The following PLAC1 variants were observed in gnomAD, a reference collection of about 807,000 sequenced individuals.
The protein encoded by PLAC1 is placenta-specific protein 1.
For synonymous variants in PLAC1, 68 were observed against 62.1 expected, an observed-to-expected ratio of 1.09 and a Z score of -0.44; for missense variants, 136 against 163.2, an observed-to-expected ratio of 0.83 and a Z score of 0.91.
intron 2 of PLAC1, among the ~76,000 whole-genome samples, chrX:134,729,884 C>A (rs1447369581): frequency 9.0e-6 from 1 of 110,953 alleles, no homozygotes; most frequent in African/African-American, 3.3e-5. Flanking sequence ...CTCCACCTCC[C>A]AGGTTCAAGT....
In PLAC1 at chrX:134,708,836, C is replaced by T. The variant is rs187213108; in HGVS notation, n.174+24599G>A. Among the ~76,000 whole-genome samples the T allele has an allele frequency of 2.8e-4, 31 of 109,024 alleles. No individual in the cohort carries two copies. The East Asian group carries it at 4.9e-3, about 17-fold the overall frequency. The allele number at this position is 109,024 out of a possible 115,157, so 94.7% of individuals were successfully genotyped here. The stretch of plus-strand genomic sequence containing the variant: ...TACAGGTGTGAGCCACTGCGTCTGG[C>T]CTTCTGTATCTTACACAAATCTACA... On this transcript the variant is annotated intron_variant and non_coding_transcript_variant, in intron 2 of 2. Transcript: ENST00000466797.
intron 1 of PLAC1, among the ~76,000 whole-genome samples, chrX:134,627,683 T>A (rs2078242801): frequency 8.9e-6 from 1 of 112,693 alleles, no homozygotes; most frequent in Non-Finnish European, 1.9e-5. Context: ...TCCTTCCAGT[T>A]CTATTTCACA....
chrX:134,582,991 G>A (rs764456046), intron 2 of PLAC1, among the ~76,000 whole-genome samples: 14 of 111,627 alleles, frequency 1.3e-4, no homozygotes, highest in Non-Finnish European at 2.1e-4. Context: ...TGTTAATGAG[G>A]ATAATAATAA....
At chrX:134,721,525 T>C (rs2078657239) in intron 2 of PLAC1, among the ~76,000 whole-genome samples, 1 of 104,608 alleles carries the variant, frequency 9.6e-6, no homozygotes, top group Non-Finnish European at 1.9e-5. Context: ...CTATGATCGC[T>C]GCCACTGCAC....
chrX:134,626,046 T>G (rs2078235689), intron 1 of PLAC1, among the ~76,000 whole-genome samples: 1 of 110,752 alleles, frequency 9.0e-6, no homozygotes, highest in African/African-American at 3.3e-5. Flanking sequence ...GAGCAAAAAG[T>G]GGAGCAGATT....
intron 2 of PLAC1, among the ~76,000 whole-genome samples, chrX:134,577,520 C>G (rs1160155579): frequency 9.0e-6 from 1 of 111,688 alleles, no homozygotes; most frequent in African/African-American, 3.3e-5. Context: ...GAAGCCCCGT[C>G]TCCACTAAAA....
chrX:134,755,551 C>T (rs1365267038), intron 1 of PLAC1, among the ~76,000 whole-genome samples: 1 of 111,617 alleles, frequency 9.0e-6, no homozygotes, highest in African/African-American at 3.3e-5. Context: ...CTTAACCTAA[C>T]CTGGCATTGC....
At chrX:134,652,802 CG>C (rs1369292269) in intron 1 of PLAC1, among the ~76,000 whole-genome samples, 4 of 23,310 alleles carry the variant, frequency 1.7e-4, no homozygotes, top group Admixed American at 4.4e-4. Flanking sequence ...AAAGCATGGG[CG>C]GGGGTGGGGG....
chrX:134,638,392 T>G (rs763687254), intron 1 of PLAC1, among the ~76,000 whole-genome samples: 11 of 112,440 alleles, frequency 9.8e-5, no homozygotes, highest in Non-Finnish European at 1.9e-4. Context: ...AAAAAGTGAG[T>G]TGACAGTTGT....
chrX:134,687,867 T>TATATATATATATAG (rs2078523561), intron 2 of PLAC1, among the ~76,000 whole-genome samples: 5 of 52,294 alleles, frequency 9.6e-5, no homozygotes, highest in African/African-American at 3.9e-4. Context: ...TATATATATA[T>TATATATATATATAG]AGCACCTAGC....
At chrX:134,660,524 A>G (rs957981064), upstream of PLAC1, among the ~76,000 whole-genome samples, 35 of 112,739 alleles carry the variant, frequency 3.1e-4, no homozygotes, top group African/African-American at 1.1e-3. Context: ...AGAACACTCA[A>G]CAGAGGGATT....
At chrX:134,735,745 C>G in intron 1 of PLAC1, among the ~76,000 whole-genome samples, 1 of 110,502 alleles carries the variant, frequency 9.0e-6, no homozygotes. Context: ...TCAACTGGTA[C>G]AACTCCTCAT....
intron 1 of PLAC1, among the ~76,000 whole-genome samples, chrX:134,740,174 G>A (rs955358126): frequency 1.4e-4 from 15 of 109,879 alleles, no homozygotes; most frequent in Non-Finnish European, 1.7e-4. Flanking sequence ...AAAATTAGCC[G>A]GGCGTGGTGG....
At chrX:134,584,254 G>T (rs969989960) in intron 2 of PLAC1, among the ~76,000 whole-genome samples, 1 of 111,525 alleles carries the variant, frequency 9.0e-6, no homozygotes, top group Non-Finnish European at 1.9e-5. Flanking sequence ...TCACCACTTT[G>T]GGGTCAGAGC....
At chrX:134,607,036 T>C (rs1460647745) in intron 1 of PLAC1, 1 of 112,503 alleles carries the variant, frequency 8.9e-6, no homozygotes, top group Non-Finnish European at 1.9e-5. Flanking sequence ...TACAAAATAT[T>C]TTAAAATATA....
intron 2 of PLAC1, among the ~76,000 whole-genome samples, chrX:134,600,436 G>A (rs1291484558): frequency 8.9e-6 from 1 of 111,835 alleles, no homozygotes; most frequent in Non-Finnish European, 1.9e-5. Flanking sequence ...CAAAGTGGTG[G>A]GATTACAGGC....
chrX:134,634,987 A>C (rs1016980182), intron 1 of PLAC1, among the ~76,000 whole-genome samples: 2 of 111,790 alleles, frequency 1.8e-5, no homozygotes, highest in African/African-American at 6.5e-5. Context: ...TCCTGCCAGC[A>C]GTGTCTGAGA....
chrX:134,736,820 G>T (rs763520812), intron 1 of PLAC1, among the ~76,000 whole-genome samples: 34 of 112,296 alleles, frequency 3.0e-4, no homozygotes, highest in Non-Finnish European at 5.3e-4. Context: ...AAGAGGTCAA[G>T]GTGAGGAGTA....
intron 1 of PLAC1, among the ~76,000 whole-genome samples, chrX:134,750,421 T>C (rs541633598): frequency 1.8e-5 from 2 of 110,443 alleles, no homozygotes; most frequent in South Asian, 3.9e-4. Context: ...CCATTTTTAG[T>C]AGATGAGCTT....
Sources: gnomAD v4.1 joint callset for allele counts (sites outside exome capture counted in the v4.1 genomes callset) on GRCh38, gnomAD v4.1.1 for gene constraint, MANE v1.5 for transcripts, NCBI Gene and HGNC (gene_info 2026-07-23, HGNC 2026-07-21) for gene names.